PPP1R1C: variants seen among roughly 807,000 people sequenced by gnomAD.
PPP1R1C encodes the protein protein phosphatase 1 regulatory inhibitor subunit 1C, also known as protein phosphatase 1 regulatory subunit 1C.
Under a neutral mutation model 17.4 loss-of-function variants are expected in PPP1R1C, and 15 were observed. That is an observed-to-expected ratio of 0.86 (90% CI 0.58 to 1.33). The LOEUF is 1.33. PPP1R1C is among the 40% of genes most tolerant of loss of function. The probability of loss-of-function intolerance (pLI) is 0.00; values close to 1 mark genes in which losing one functional copy is unlikely to be tolerated. For synonymous variants in PPP1R1C, 35 were observed against 43.1 expected (o/e 0.81, Z 0.73); for missense variants, 143 against 130.0 (o/e 1.10, Z -0.48).
At chr2:182,040,962 A>C (rs925533750) in intron 2 of PPP1R1C, among the ~76,000 whole-genome samples, 2 of 152,084 alleles carry the variant, frequency 1.3e-5, no homozygotes, top group African/African-American at 4.8e-5. Flanking sequence ...TTTAGTTGTA[A>C]GTAACTGGCT....
chr2:181,958,529 A>G (rs1684707409), intron 1 of PPP1R1C, among the ~76,000 whole-genome samples: 1 of 152,236 alleles, frequency 6.6e-6, no homozygotes, highest in Non-Finnish European at 1.5e-5. Context: ...TTAAGAGGGA[A>G]CAGAGTGGAT....
intron 2 of PPP1R1C, among the ~76,000 whole-genome samples, chr2:182,057,564 G>C (rs1321766780): frequency 6.6e-6 from 1 of 152,118 alleles, no homozygotes; most frequent in Non-Finnish European, 1.5e-5. Flanking sequence ...CATTCAGTCA[G>C]TAAGTAAATC....
intron 4 of PPP1R1C, among the ~76,000 whole-genome samples, chr2:182,096,442 G>A (rs531489069): frequency 5.3e-5 from 8 of 150,652 alleles, no homozygotes; most frequent in Non-Finnish European, 1.0e-4. Flanking sequence ...TGTATTCTGA[G>A]TCCGTACACG....
intron 5 of PPP1R1C, among the ~76,000 whole-genome samples, chr2:182,124,304 GTTTTTTTT>G (rs1177517439): frequency 1.3e-5 from 1 of 77,648 alleles, no homozygotes. Flanking sequence ...CTCCAGCTTT[GTTTTTTTT>G]TGTTTTTTTT....
chr2:182,040,054 T>A (rs1030595913), intron 2 of PPP1R1C, among the ~76,000 whole-genome samples: 1 of 152,248 alleles, frequency 6.6e-6, no homozygotes, highest in African/African-American at 2.4e-5. Flanking sequence ...CACTCATTAG[T>A]TGATGGGCAC....
intron 4 of PPP1R1C, among the ~76,000 whole-genome samples, chr2:182,069,522 A>G (rs772724088): frequency 2.0e-5 from 3 of 152,108 alleles, no homozygotes; most frequent in Non-Finnish European, 4.4e-5. Context: ...GTATGGGTGA[A>G]CTTCATCTTT....
At position 182,047,903 on chromosome 2, in the gene PPP1R1C, TC is replaced by T. The variant is rs569402249; in HGVS notation, c.143-13538del. Among the ~76,000 whole-genome samples, 371 of 152,270 alleles carry T rather than the reference TC, an allele frequency of 2.4e-3. 1 individual carries two copies. The highest frequency in any genetic ancestry group is 3.9e-3 in the South Asian group (19 of 4,822). ...CATGAGATAATTACTAGTTGAGAGTTCTTTTTGAATAAATCAACATAATCCA... is the reference window on the plus strand; with the variant it reads ...CATGAGATAATTACTAGTTGAGAGTTTTTTTGAATAAATCAACATAATCCA... On this transcript the variant is annotated intron_variant, in intron 2 of 4. Coordinates refer to ENST00000682840, the MANE Select transcript of PPP1R1C (RefSeq NM_001080545.3).
downstream of PPP1R1C, among the ~76,000 whole-genome samples, chr2:182,118,390 G>T (rs192412093): frequency 3.3e-5 from 5 of 152,144 alleles, no homozygotes; most frequent in Admixed American, 3.3e-4. Flanking sequence ...TGAAGGCAAA[G>T]TATCTAAACT....
chr2:181,994,662 T>C (rs1685565036), intron 2 of PPP1R1C, among the ~76,000 whole-genome samples: 1 of 152,196 alleles, frequency 6.6e-6, no homozygotes, highest in Non-Finnish European at 1.5e-5. Flanking sequence ...CTTAAAGCTG[T>C]TTATTGGTTT....
intron 2 of PPP1R1C, among the ~76,000 whole-genome samples, chr2:182,038,472 C>T (rs181870758): frequency 4.0e-4 from 61 of 152,128 alleles, no homozygotes; most frequent in South Asian, 3.9e-3. Context: ...TTTTTATTGA[C>T]GACTTTAAGT....
chr2:182,061,570 C>A, intron 3 of PPP1R1C, 91 bp downstream of exon 3: 1 of 663,690 alleles, frequency 1.5e-6, no homozygotes, highest in Non-Finnish European at 2.4e-6. Context: ...AATAATGATA[C>A]AACTGTAATA....
intron 2 of PPP1R1C, among the ~76,000 whole-genome samples, chr2:182,012,847 A>G (rs2125156855): frequency 6.6e-6 from 1 of 152,234 alleles, no homozygotes; most frequent in African/African-American, 2.4e-5. Context: ...TGACAACATC[A>G]CACTGATTGC....
chr2:182,066,973 T>TTC (rs1688003617), intron 4 of PPP1R1C, among the ~76,000 whole-genome samples: 7 of 123,586 alleles, frequency 5.7e-5, no homozygotes, highest in African/African-American at 2.0e-4. Flanking sequence ...TGTGTTTGTG[T>TTC]GTGTGTGTGT....
chr2:182,053,965 G>C (rs1238768376), intron 2 of PPP1R1C, among the ~76,000 whole-genome samples: 1 of 151,540 alleles, frequency 6.6e-6, no homozygotes, highest in Admixed American at 6.6e-5. Context: ...TTTTCCTCTG[G>C]GATTAGTGCT....
At chr2:182,012,155 T>C (rs548940832) in intron 2 of PPP1R1C, among the ~76,000 whole-genome samples, 91 of 152,172 alleles carry the variant, frequency 6.0e-4, no homozygotes, top group African/African-American at 1.9e-3. Context: ...TTAGGTGTTA[T>C]GTTTCTTTGT....
upstream of PPP1R1C, among the ~76,000 whole-genome samples, chr2:181,983,943 A>T (rs1685240474): frequency 6.6e-6 from 1 of 152,192 alleles, no homozygotes; most frequent in African/African-American, 2.4e-5. Context: ...CCCATTTACA[A>T]TATTGTCTCT....
chr2:181,993,690 T>C (rs2125144150), intron 2 of PPP1R1C, among the ~76,000 whole-genome samples: 1 of 152,306 alleles, frequency 6.6e-6, no homozygotes, highest in African/African-American at 2.4e-5. Flanking sequence ...TGCTGAATGA[T>C]TTTTTAAAAA....
chr2:182,118,586 T>G (rs940154623), downstream of PPP1R1C, among the ~76,000 whole-genome samples: 2 of 152,206 alleles, frequency 1.3e-5, no homozygotes, highest in Admixed American at 1.3e-4. Context: ...GATTCAAATA[T>G]GTAAAATGAT....
chr2:182,032,298 CA>C (rs1163794656), intron 2 of PPP1R1C, among the ~76,000 whole-genome samples: 1 of 152,218 alleles, frequency 6.6e-6, no homozygotes, highest in East Asian at 1.9e-4. Context: ...TCACCTCTTT[CA>C]AACCTTGCTT....
Sources: allele counts gnomAD v4.1 joint callset (sites outside exome capture counted in the v4.1 genomes callset), GRCh38; gene constraint gnomAD v4.1.1; transcripts MANE v1.5; gene names NCBI Gene and HGNC (gene_info 2026-07-23, HGNC 2026-07-21).